SAMD13: variants seen among roughly 807,000 people sequenced by gnomAD.
The protein encoded by SAMD13 is sterile alpha motif domain-containing protein 13.
A neutral mutation model predicts 12.4 loss-of-function variants in SAMD13; 9 were observed. The ratio of observed to expected loss-of-function variants is 0.72; its 90% confidence interval spans 0.44 to 1.26. The LOEUF (loss-of-function observed/expected upper bound fraction) is 1.26. SAMD13 is among the 50% of genes most tolerant of loss of function. The pLI is 0.00. For missense variants in SAMD13, 84 were observed against 119.6 expected, an observed-to-expected ratio of 0.70 and a Z score of 1.39; for synonymous variants, 46 against 45.4, an observed-to-expected ratio of 1.01 and a Z score of -0.05.
chr1:84,319,624 G>GAAAAAAA (rs57599932), intron 2 of SAMD13, among the ~76,000 whole-genome samples: 1 of 77,752 alleles, frequency 1.3e-5, no homozygotes. Flanking sequence ...GACAGGAAAA[G>GAAAAAAA]AAAAAAAAAA....
chr1:84,328,753 C>A (rs903043676), intron 3 of SAMD13, among the ~76,000 whole-genome samples: 1 of 152,112 alleles, frequency 6.6e-6, no homozygotes, highest in Non-Finnish European at 1.5e-5. Flanking sequence ...AAAATGCAGG[C>A]CTTCTCCAGC....
At chr1:84,299,657 G>GTATATATATATATA (rs143143145), upstream of SAMD13, 14 of 677,876 alleles carry the variant, frequency 2.1e-5, no homozygotes, top group East Asian at 9.3e-5. Flanking sequence ...GAGTACTAGT[G>GTATATATATATATA]TATATATATA....
Position 84,349,801 on chromosome 1 carries a change from CA to C in SAMD13, c.*33del. 6.3e-7 allele frequency: 1 copy of C among 1,583,654 alleles called. No homozygotes were observed. On this transcript the variant is annotated 3_prime_UTR_variant, in exon 4 of 4. Coordinates refer to ENST00000394834, the MANE Select transcript of SAMD13 (RefSeq NM_001134663.2). ...ACAGTCAAATTGGGGTCTTCGACCT[CA>C]AAAAATACATAATGACATAATTTAG...
intron 2 of SAMD13, among the ~76,000 whole-genome samples, chr1:84,320,451 T>C (rs962320649): frequency 6.6e-6 from 1 of 152,256 alleles, no homozygotes; most frequent in Admixed American, 6.5e-5. Context: ...CCAGAATCTT[T>C]GAATCATCCT....
At chr1:84,331,873 G>A (rs972318874) in intron 3 of SAMD13, among the ~76,000 whole-genome samples, 1 of 151,932 alleles carries the variant, frequency 6.6e-6, no homozygotes, top group African/African-American at 2.4e-5. Context: ...CAGTTTTTCA[G>A]TCTACCCTCC....
At chr1:84,337,035 G>A (rs1195681757) in intron 3 of SAMD13, among the ~76,000 whole-genome samples, 2 of 152,214 alleles carry the variant, frequency 1.3e-5, no homozygotes, top group Non-Finnish European at 2.9e-5. Context: ...GCTGATGCAA[G>A]AAGTGGGTTC....
intron 3 of SAMD13, among the ~76,000 whole-genome samples, chr1:84,347,444 G>A (rs1679556099): frequency 1.3e-5 from 2 of 152,088 alleles, no homozygotes; most frequent in Admixed American, 1.3e-4. Context: ...TTTTTCACAG[G>A]CATACTTGGC....
chr1:84,300,154 GA>G (rs1381656878), upstream of SAMD13, among the ~76,000 whole-genome samples: 49 of 152,268 alleles, frequency 3.2e-4, no homozygotes, highest in African/African-American at 1.1e-3. Flanking sequence ...AAGCGTTAAG[GA>G]ATCTGTTAGT....
At chr1:84,325,615 T>G (rs1233745982) in intron 2 of SAMD13, 22 bp from the exon 3 acceptor site, 1 of 1,435,236 alleles carries the variant, frequency 7.0e-7, no homozygotes, top group East Asian at 2.3e-5. Context: ...CCATGACAAC[T>G]GTCTGGATTT....
intron 3 of SAMD13, among the ~76,000 whole-genome samples, chr1:84,336,696 C>T (rs1679301621): frequency 6.6e-6 from 1 of 152,160 alleles, no homozygotes; most frequent in African/African-American, 2.4e-5. Context: ...ATCTCACATC[C>T]TCACATTTCA....
chr1:84,300,413 G>C (rs909069749), upstream of SAMD13, among the ~76,000 whole-genome samples: 10 of 152,260 alleles, frequency 6.6e-5, no homozygotes, highest in African/African-American at 2.4e-4. Flanking sequence ...TTTTGACCTT[G>C]AAATTCAGGT....
chr1:84,320,281 G>A (rs1173978686), intron 2 of SAMD13, among the ~76,000 whole-genome samples: 1 of 152,162 alleles, frequency 6.6e-6, no homozygotes, highest in Non-Finnish European at 1.5e-5. Context: ...TGCCCAGTTA[G>A]GTTTGAATCA....
chr1:84,300,365 T>A (rs1306531273), upstream of SAMD13, among the ~76,000 whole-genome samples: 2 of 152,208 alleles, frequency 1.3e-5, no homozygotes, highest in Non-Finnish European at 2.9e-5. Context: ...AAGTCAAAAA[T>A]TTCTAATATA....
intron 2 of SAMD13, among the ~76,000 whole-genome samples, chr1:84,322,561 A>G (rs1343908240): frequency 6.6e-6 from 1 of 152,212 alleles, no homozygotes; most frequent in Non-Finnish European, 1.5e-5. Context: ...AGACTGTGCT[A>G]GGTGCTGGTG....
chr1:84,301,914 A>T (rs1678460456), intron 1 of SAMD13, 113 bp downstream of exon 1: 1 of 318,496 alleles, frequency 3.1e-6, no homozygotes, highest in African/African-American at 2.2e-5. Context: ...GTTTTCTGAG[A>T]TGCTTAGAAA....
At chr1:84,328,390 C>T (rs1345966170) in intron 3 of SAMD13, among the ~76,000 whole-genome samples, 1 of 152,188 alleles carries the variant, frequency 6.6e-6, no homozygotes, top group Non-Finnish European at 1.5e-5. Context: ...GAAATGAATT[C>T]TCAAAGGATC....
intron 3 of SAMD13, among the ~76,000 whole-genome samples, chr1:84,327,142 G>A (rs1292645724): frequency 6.6e-6 from 1 of 152,104 alleles, no homozygotes; most frequent in African/African-American, 2.4e-5. Context: ...GTACAAAATT[G>A]TTCTTACTAG....
chr1:84,323,299 A>AT (rs950245560), intron 2 of SAMD13, among the ~76,000 whole-genome samples: 9 of 152,146 alleles, frequency 5.9e-5, no homozygotes, highest in Admixed American at 2.6e-4. Flanking sequence ...CACATAGATA[A>AT]TTTTTTTTAA....
At chr1:84,342,714 A>C (rs544225726) in intron 3 of SAMD13, among the ~76,000 whole-genome samples, 1 of 152,042 alleles carries the variant, frequency 6.6e-6, no homozygotes, top group South Asian at 2.1e-4. Context: ...CTCAAGATGG[A>C]TTAAAACCTT....
Sources: gnomAD v4.1 joint callset for allele counts (sites outside exome capture counted in the v4.1 genomes callset) on GRCh38, gnomAD v4.1.1 for gene constraint, MANE v1.5 for transcripts, NCBI Gene and HGNC (gene_info 2026-07-23, HGNC 2026-07-21) for gene names.